Variants in ACSF3 observed in about 807,000 individuals in gnomAD.
The protein encoded by ACSF3 is malonate--CoA ligase ACSF3, mitochondrial.
A neutral mutation model predicts 53.2 loss-of-function variants in ACSF3; 78 were observed. The observed-to-expected ratio is 1.47, with a 90% CI of 1.22 to 1.77. The LOEUF is 1.77. Among genes scored for constraint, ACSF3 ranks in the 40% most tolerant of loss-of-function variants. The pLI, the probability that ACSF3 is intolerant of heterozygous loss-of-function variation, is 0.00. For missense variants in ACSF3, 937 were observed against 771.1 expected, an observed-to-expected ratio of 1.22 and a Z score of -2.55; for synonymous variants, 414 against 333.1, an observed-to-expected ratio of 1.24 and a Z score of -2.65.
chr16:89,126,756 C>G (rs1030934929), intron 7 of ACSF3, among the ~76,000 whole-genome samples: 1 of 152,216 alleles, frequency 6.6e-6, no homozygotes, highest in African/African-American at 2.4e-5. Flanking sequence ...CAAATACAAA[C>G]AGTTTTATTT....
At chr16:89,102,381 C>T (rs1000399921) in intron 3 of ACSF3, 48 of 612,256 alleles carry the variant, frequency 7.8e-5, no homozygotes, top group East Asian at 4.6e-4. Flanking sequence ...CTGTGTGTGG[C>T]GCTGTCCTCT....
chr16:89,098,899 A>G, intron 2 of ACSF3, 136 bp downstream of exon 2: 1 of 401,058 alleles, frequency 2.5e-6, no homozygotes, highest in Non-Finnish European at 5.1e-6. Flanking sequence ...AGACGGTAGC[A>G]TCATTGTCAA....
At chr16:89,136,428 C>A in intron 8 of ACSF3, 1 of 1,008,622 alleles carries the variant, frequency 9.9e-7, no homozygotes, top group Non-Finnish European at 1.3e-6. Flanking sequence ...TTGTCACAGG[C>A]CATTAGCGAT....
chr16:89,103,775 C>G (rs1342185050), intron 4 of ACSF3, among the ~76,000 whole-genome samples: 1 of 152,232 alleles, frequency 6.6e-6, no homozygotes, highest in Admixed American at 6.5e-5. Context: ...TCTGTCTCCC[C>G]TCTCTGCATG....
chr16:89,101,034 G>C lies in ACSF3; in HGVS notation c.353G>C (p.Ser118Thr), dbSNP rs766109997. ...GTGGCCCAGTGGGCGTCATGGATGA[G>C]TGGCGGTGTGGCAGTCCCCCTCTAC... ...YVVAQWASWM[S>T]GGVAVPLYRK... The change falls in exon 3 of 11, where the codon AGT (serine) becomes ACT (threonine). Residue 118 changes from serine (S) to threonine (T), a missense_variant. By Grantham distance (58) the Ser-to-Thr change is moderately conservative. Transcript: ENST00000614302. The C allele has an allele frequency of 1.9e-6, 3 of 1,613,958 alleles. No individual in the cohort carries two copies. In the Admixed American group the frequency reaches 5.0e-5, roughly 27 times the overall value.
At position 89,145,794 on chromosome 16, in the gene ACSF3, G is replaced by A. The variant is rs547499295; in HGVS notation, c.1502-144G>A. On this transcript the variant is annotated intron_variant, in intron 9 of 10. Transcript: ENST00000614302. Reference sequence around the variant, plus strand: ...TCCCCACAGGCCCAGCCAGCACCAGGACGAGTGATTGGAGTGGGGCCTGTC... The same window carrying A: ...TCCCCACAGGCCCAGCCAGCACCAGAACGAGTGATTGGAGTGGGGCCTGTC... 24 of 799,488 alleles carry A rather than the reference G, an allele frequency of 3.0e-5. No individual in the cohort carries two copies. The South Asian group carries it at 3.2e-4, about 11-fold the overall frequency. 49.5% of individuals were successfully genotyped at this position (799,488 alleles called of 1,614,324 possible).
intron 4 of ACSF3, among the ~76,000 whole-genome samples, 176 bp downstream of exon 4, chr16:89,102,935 CAG>C (rs1157675765): frequency 6.6e-6 from 1 of 152,242 alleles, no homozygotes; most frequent in Non-Finnish European, 1.5e-5. Context: ...CCCCTATCCA[CAG>C]GGGACGTGCC....
rs1974914072 is a variant in ACSF3 at position 89,098,723 on chromosome 16, G to T, written c.-61G>T. The T allele has an allele frequency of 2.2e-6, 1 of 454,048 alleles. No homozygotes were observed. The highest frequency in any genetic ancestry group is 1.6e-5 in the South Asian group (1 of 64,484). The allele number at this position is 454,048 out of a possible 1,614,324, so 28.1% of individuals were successfully genotyped here. A position where few individuals can be genotyped will look rare whatever the true frequency, so the allele number is the denominator to read the frequency against. ...GCTGTGCCTGCCGCTCTTGTGAACT[G>T]CGAACTTCCCCTTACCTCCTCTCTC... is the stretch of plus-strand genomic sequence containing the variant. On this transcript the variant is annotated 5_prime_UTR_variant, in exon 2 of 11. Coordinates refer to ENST00000614302, the MANE Select transcript of ACSF3 (RefSeq NM_001243279.3).
intron 7 of ACSF3, among the ~76,000 whole-genome samples, chr16:89,124,072 CACATGCCTAGTGTGCGCATGGGTATCACA>C (rs1322893528): frequency 8.3e-4 from 3 of 3,620 alleles, no homozygotes; most frequent in African/African-American, 3.4e-3. Context: ...GGGTATCACA[CACATGCCTAGTGTGCGCATGGGTATCACA>C]CACATGCCTA....
intron 7 of ACSF3, among the ~76,000 whole-genome samples, chr16:89,131,522 G>A (rs924344208): frequency 2.6e-5 from 4 of 151,918 alleles, no homozygotes; most frequent in East Asian, 1.9e-4. Flanking sequence ...GTTTTTTCCC[G>A]TGTTGAGTAA....
intron 7 of ACSF3, chr16:89,122,375 G>A (rs1172580086): frequency 4.5e-6 from 2 of 447,784 alleles, no homozygotes; most frequent in Non-Finnish European, 4.5e-6. Flanking sequence ...CCTCTGTAGG[G>A]CCCCAGCCCA....
At chr16:89,118,762 A>C (rs1430235537) in intron 6 of ACSF3, among the ~76,000 whole-genome samples, 1 of 152,168 alleles carries the variant, frequency 6.6e-6, no homozygotes, top group Non-Finnish European at 1.5e-5. Context: ...CCAGGGCCTC[A>C]TTGGCGGTTT....
chr16:89,125,292 G>T (rs1008374135), intron 7 of ACSF3, among the ~76,000 whole-genome samples: 1 of 148,706 alleles, frequency 6.7e-6, no homozygotes, highest in Non-Finnish European at 1.5e-5. Context: ...GCACTGAGCC[G>T]AGATCACGCC....
chr16:89,128,322 A>G (rs919336262), intron 7 of ACSF3, among the ~76,000 whole-genome samples: 4 of 150,934 alleles, frequency 2.7e-5, no homozygotes, highest in Non-Finnish European at 4.4e-5. Flanking sequence ...GTGCAATGGC[A>G]TGATCTTGGC....
At chr16:89,136,865 C>T (rs777714201) in intron 8 of ACSF3, 7 of 1,270,606 alleles carry the variant, frequency 5.5e-6, no homozygotes, top group South Asian at 5.0e-5. Context: ...TGTCTTCAGA[C>T]GTCAAAGGTC....
intron 6 of ACSF3, among the ~76,000 whole-genome samples, chr16:89,118,898 A>C (rs186389869): frequency 3.7e-4 from 57 of 152,276 alleles, no homozygotes; most frequent in African/African-American, 1.3e-3. Context: ...TCCCATCTAC[A>C]TTGGCCTTTG....
At chr16:89,129,779 T>C (rs1418889912) in intron 7 of ACSF3, among the ~76,000 whole-genome samples, 1 of 152,228 alleles carries the variant, frequency 6.6e-6, no homozygotes, top group African/African-American at 2.4e-5. Flanking sequence ...TTTGCATAGT[T>C]TTTTTAGTAG....
intron 10 of ACSF3, 103 bp downstream of exon 10, chr16:89,146,152 G>A: frequency 1.2e-6 from 1 of 835,354 alleles, no homozygotes; most frequent in South Asian, 1.6e-5. Context: ...AGGTGGAGAT[G>A]AGGGATCAAG....
At chr16:89,103,867 A>C (rs1449011544) in intron 4 of ACSF3, among the ~76,000 whole-genome samples, 2 of 152,222 alleles carry the variant, frequency 1.3e-5, no homozygotes, top group African/African-American at 4.8e-5. Context: ...GGGTGGGAGC[A>C]GTCATCGCCG....
Sources: gnomAD v4.1 joint callset for allele counts (sites outside exome capture counted in the v4.1 genomes callset) on GRCh38, gnomAD v4.1.1 for gene constraint, MANE v1.5 for transcripts, NCBI Gene and HGNC (gene_info 2026-07-23, HGNC 2026-07-21) for gene names.